The following CDH13 variants were observed in gnomAD, a reference collection of about 807,000 sequenced individuals.
The protein encoded by CDH13 is cadherin-13.
Under a neutral mutation model 63.8 loss-of-function variants are expected in CDH13, and 24 were observed. The ratio of observed to expected loss-of-function variants is 0.38; its 90% confidence interval spans 0.27 to 0.53. The LOEUF (loss-of-function observed/expected upper bound fraction) is 0.53, where lower values mean the gene tolerates loss of function less well. CDH13 is among the 20% of genes least tolerant of loss of function. CDH13 has a pLI of 0.85. For missense variants in CDH13, 1,049 were observed against 903.1 expected (o/e 1.16, Z -2.07); for synonymous variants, 503 against 355.3 (o/e 1.42, Z -4.67).
intron 10 of CDH13, among the ~76,000 whole-genome samples, chr16:83,686,130 T>G (rs1391573326): frequency 1.3e-5 from 2 of 152,310 alleles, no homozygotes; most frequent in Admixed American, 1.3e-4. Flanking sequence ...TTACAGAGGC[T>G]GAGTTAATGT....
chr16:83,492,081 A>G (rs2074026382), intron 7 of CDH13, among the ~76,000 whole-genome samples: 1 of 152,192 alleles, frequency 6.6e-6, no homozygotes, highest in Non-Finnish European at 1.5e-5. Context: ...AAGCCCAAAG[A>G]GAACTATGTA....
chr16:83,452,408 A>G (rs539184073), intron 6 of CDH13, among the ~76,000 whole-genome samples: 63 of 152,356 alleles, frequency 4.1e-4, no homozygotes, highest in Admixed American at 1.6e-3. Flanking sequence ...CTGTGAAAAC[A>G]GAGACAAATA....
intron 1 of CDH13, among the ~76,000 whole-genome samples, chr16:82,636,618 C>G (rs1433536199): frequency 6.6e-6 from 1 of 152,222 alleles, no homozygotes; most frequent in African/African-American, 2.4e-5. Context: ...TAACAAGCCT[C>G]TGCTTCAGCA....
At chr16:83,578,728 C>G (rs1421315133) in intron 7 of CDH13, among the ~76,000 whole-genome samples, 2 of 152,198 alleles carry the variant, frequency 1.3e-5, no homozygotes, top group Non-Finnish European at 2.9e-5. Flanking sequence ...TACAGATTGG[C>G]ACAATTCAGA....
chr16:83,444,799 A>G (rs904040413), intron 6 of CDH13, among the ~76,000 whole-genome samples: 1 of 326 alleles, frequency 3.1e-3, no homozygotes, highest in African/African-American at 4.0e-3. Flanking sequence ...GTTCGAAATG[A>G]AAATATTCTC....
At chr16:83,675,978 A>C (rs1050630825) in intron 9 of CDH13, among the ~76,000 whole-genome samples, 1 of 152,160 alleles carries the variant, frequency 6.6e-6, no homozygotes, top group Non-Finnish European at 1.5e-5. Context: ...CTGTGTATTC[A>C]CTGGTGAAAG....
chr16:83,276,831 C>T (rs2089004619), intron 5 of CDH13, among the ~76,000 whole-genome samples: 1 of 152,166 alleles, frequency 6.6e-6, no homozygotes, highest in South Asian at 2.1e-4. Context: ...GATCAGGCCA[C>T]TGCACTCCAG....
At chr16:83,411,083 C>T (rs2092119424) in intron 6 of CDH13, among the ~76,000 whole-genome samples, 1 of 152,206 alleles carries the variant, frequency 6.6e-6, no homozygotes, top group Non-Finnish European at 1.5e-5. Context: ...GTCCACACTC[C>T]AGCCCTCCTT....
chr16:83,635,973 AT>A (rs1038008739), intron 8 of CDH13, among the ~76,000 whole-genome samples: 7 of 151,950 alleles, frequency 4.6e-5, no homozygotes, highest in African/African-American at 1.5e-4. Flanking sequence ...TTCGGAACTG[AT>A]TTTTTTATGT....
chr16:83,623,703 C>T (rs1910022099), intron 8 of CDH13, among the ~76,000 whole-genome samples: 1 of 152,190 alleles, frequency 6.6e-6, no homozygotes, highest in Non-Finnish European at 1.5e-5. Flanking sequence ...CACGCACTGG[C>T]CTCTCACATC....
At chr16:83,147,546 C>T (rs1297392704) in intron 4 of CDH13, among the ~76,000 whole-genome samples, 1 of 152,218 alleles carries the variant, frequency 6.6e-6, no homozygotes, top group Non-Finnish European at 1.5e-5. Flanking sequence ...TATCTTATCA[C>T]AGCTGTCCTG....
intron 7 of CDH13, among the ~76,000 whole-genome samples, chr16:83,560,828 C>T (rs1002589348): frequency 2.0e-5 from 3 of 151,988 alleles, no homozygotes; most frequent in Non-Finnish European, 4.4e-5. Context: ...GTTGGTTCCC[C>T]TTTGGGGTAT....
intron 1 of CDH13, among the ~76,000 whole-genome samples, chr16:82,632,525 A>T (rs1908134825): frequency 6.6e-6 from 1 of 152,122 alleles, no homozygotes; most frequent in South Asian, 2.1e-4. Flanking sequence ...TGCAGCTCTG[A>T]GTCAGTACGA....
chr16:82,832,316 C>T (rs2038577434), intron 1 of CDH13, among the ~76,000 whole-genome samples: 1 of 152,146 alleles, frequency 6.6e-6, no homozygotes, highest in African/African-American at 2.4e-5. Flanking sequence ...ATAAGTTTTG[C>T]AATATCTAAG....
intron 5 of CDH13, among the ~76,000 whole-genome samples, chr16:83,236,895 G>T (rs7206733): frequency 0.014 from 2,202 of 152,122 alleles, 52 homozygotes; most frequent in African/African-American, 0.051. Flanking sequence ...AGAGGTGGTG[G>T]TTCTACAACA....
intron 11 of CDH13, among the ~76,000 whole-genome samples, chr16:83,771,425 T>G (rs575727949): frequency 6.6e-6 from 1 of 152,322 alleles, no homozygotes; most frequent in South Asian, 2.1e-4. Flanking sequence ...TATAATGTGC[T>G]GAGGCTCTTA....
chr16:83,032,637 C>T (rs919827864), intron 3 of CDH13, among the ~76,000 whole-genome samples: 1 of 152,118 alleles, frequency 6.6e-6, no homozygotes, highest in Non-Finnish European at 1.5e-5. Context: ...AGCATCTCTT[C>T]AAGACGATGC....
intron 10 of CDH13, among the ~76,000 whole-genome samples, chr16:83,706,084 T>G (rs2150915925): frequency 6.6e-6 from 1 of 152,314 alleles, no homozygotes; most frequent in South Asian, 2.1e-4. Context: ...CCTCAATGTC[T>G]GAGGCCTTAG....
intron 10 of CDH13, among the ~76,000 whole-genome samples, chr16:83,706,257 A>G (rs1426600007): frequency 1.3e-5 from 2 of 152,192 alleles, no homozygotes; most frequent in East Asian, 3.8e-4. Context: ...TGAGCATCCC[A>G]AAAGCCAGCT....
Sources: allele counts gnomAD v4.1 joint callset (sites outside exome capture counted in the v4.1 genomes callset), GRCh38; gene constraint gnomAD v4.1.1; transcripts MANE v1.5; gene names NCBI Gene and HGNC (gene_info 2026-07-23, HGNC 2026-07-21).